Variants in PELI2 observed in about 807,000 individuals in gnomAD.
PELI2 encodes the protein pellino E3 ubiquitin protein ligase family member 2.
In PELI2, 23 loss-of-function variants were observed where a neutral mutation model predicts 42.3. The observed-to-expected ratio is 0.54, with a 90% CI of 0.39 to 0.77. The LOEUF is 0.77. PELI2 is among the 30% of genes least tolerant of loss of function. The probability of loss-of-function intolerance (pLI) is 0.00; values close to 1 mark genes in which losing one functional copy is unlikely to be tolerated. For missense variants in PELI2, 463 were observed against 553.2 expected, an observed-to-expected ratio of 0.84 and a Z score of 1.64; for synonymous variants, 245 against 212.2, an observed-to-expected ratio of 1.15 and a Z score of -1.34.
chr14:56,167,238 T>C (rs942845640), intron 1 of PELI2, among the ~76,000 whole-genome samples: 7 of 152,356 alleles, frequency 4.6e-5, no homozygotes, highest in Non-Finnish European at 8.8e-5. Context: ...TACTCTGTTA[T>C]TATCCCTTTG....
In PELI2 at chr14:56,290,448, G is replaced by A; in HGVS notation, c.688G>A (p.Gly230Arg). 1 of 1,599,136 alleles carries A rather than the reference G, an allele frequency of 6.3e-7. No individual in the cohort carries two copies. Among genetic ancestry groups the A allele is most frequent in the Non-Finnish European group, 8.5e-7 (1 of 1,170,218 alleles). The change falls in exon 5 of 6, where the codon GGA becomes AGA. Residue 230 changes from glycine (G) to arginine (R), a missense_variant. Physicochemically the swap from Gly to Arg is moderately radical, Grantham distance 125. Coordinates refer to ENST00000267460, the MANE Select transcript of PELI2 (RefSeq NM_021255.3). ...LRETRSAQQR[G>R]KLVESETNVL... ...AGAAACCAGGTCGGCCCAGCAACGA[G>A]GAAAGCTGGTGAGTGTGCTTCACTC...
intron 1 of PELI2, among the ~76,000 whole-genome samples, chr14:56,120,505 A>T (rs1883023202): frequency 6.6e-6 from 1 of 152,134 alleles, no homozygotes; most frequent in Non-Finnish European, 1.5e-5. Context: ...GGAGCCCGGG[A>T]TATAACGTTG....
chr14:56,159,718 G>T (rs1884687152), intron 1 of PELI2, among the ~76,000 whole-genome samples: 2 of 152,106 alleles, frequency 1.3e-5, no homozygotes, highest in Non-Finnish European at 2.9e-5. Context: ...ATACTTAAGT[G>T]GCGATATTTT....
chr14:56,245,582 T>C (rs1272204763), intron 2 of PELI2, among the ~76,000 whole-genome samples: 2 of 152,166 alleles, frequency 1.3e-5, no homozygotes, highest in Non-Finnish European at 2.9e-5. Context: ...GCCTGGTGTT[T>C]ATGTGATTCT....
At position 56,301,362 on chromosome 14, in the gene PELI2, A is replaced by G. The variant is rs559811196; in HGVS notation, c.*4196A>G. 1 of 152,774 alleles carries G rather than the reference A, an allele frequency of 6.5e-6. No individual in the cohort carries two copies. The highest frequency in any genetic ancestry group is 1.5e-5 in the Non-Finnish European group (1 of 68,022). The allele number at this position is 152,774 out of a possible 1,614,324, so 9.5% of individuals were successfully genotyped here. ...CACTGAGTTCATTAGGACATTTAGT[A>G]GGTTGATACGAGTAGAACTGATTTT... On this transcript the variant is annotated 3_prime_UTR_variant, in exon 6 of 6. Transcript: ENST00000267460.
chr14:56,246,815 A>T (rs1284261702), intron 2 of PELI2, among the ~76,000 whole-genome samples: 2 of 152,210 alleles, frequency 1.3e-5, no homozygotes, highest in African/African-American at 4.8e-5. Context: ...ATTCCATCAT[A>T]CATTGACTTA....
chr14:56,284,569 A>G (rs1372458669), intron 3 of PELI2, among the ~76,000 whole-genome samples: 1 of 152,160 alleles, frequency 6.6e-6, no homozygotes, highest in East Asian at 1.9e-4. Flanking sequence ...TTGGTTTTCA[A>G]TTTAGTTGAT....
At chr14:56,151,445 G>C (rs1005953705) in intron 1 of PELI2, among the ~76,000 whole-genome samples, 1 of 152,192 alleles carries the variant, frequency 6.6e-6, no homozygotes, top group Non-Finnish European at 1.5e-5. Flanking sequence ...ATTACTTATT[G>C]TAAGTGTTGC....
At chr14:56,249,038 G>A (rs1049455660) in intron 2 of PELI2, among the ~76,000 whole-genome samples, 21 of 152,298 alleles carry the variant, frequency 1.4e-4, no homozygotes, top group African/African-American at 4.6e-4. Flanking sequence ...CTTGAGTACT[G>A]TTAACAGGTA....
At chr14:56,198,008 ACACACC>A (rs1443351852) in intron 2 of PELI2, among the ~76,000 whole-genome samples, 16 of 110,394 alleles carry the variant, frequency 1.4e-4, no homozygotes, top group Middle Eastern at 5.0e-3. Context: ...ACACACACAC[ACACACC>A]CACCTCTTTG....
chr14:56,243,300 A>G (rs1205472264), intron 2 of PELI2, among the ~76,000 whole-genome samples: 2 of 152,182 alleles, frequency 1.3e-5, no homozygotes, highest in African/African-American at 4.8e-5. Flanking sequence ...CCAGCTGTTG[A>G]CATCTCTAAG....
chr14:56,241,901 C>G (rs1887989521), intron 2 of PELI2, among the ~76,000 whole-genome samples: 1 of 152,128 alleles, frequency 6.6e-6, no homozygotes, highest in Non-Finnish European at 1.5e-5. Context: ...AACTATTTAG[C>G]TGCTATAAGG....
intron 2 of PELI2, among the ~76,000 whole-genome samples, chr14:56,238,375 G>A (rs1161726179): frequency 6.6e-6 from 1 of 152,128 alleles, no homozygotes; most frequent in Non-Finnish European, 1.5e-5. Flanking sequence ...GCATTAATTA[G>A]CATTCCTGCT....
intron 2 of PELI2, among the ~76,000 whole-genome samples, chr14:56,218,695 ATG>A (rs893789916): frequency 1.3e-5 from 2 of 151,808 alleles, no homozygotes; most frequent in Admixed American, 1.3e-4. Flanking sequence ...ATGCACGCAC[ATG>A]TGTGCGTGTG....
At chr14:56,202,135 C>A (rs1344043357) in intron 2 of PELI2, among the ~76,000 whole-genome samples, 6 of 152,162 alleles carry the variant, frequency 3.9e-5, no homozygotes, top group Non-Finnish European at 5.9e-5. Context: ...TTAAAATTAT[C>A]CATCTGGGGC....
Position 56,180,180 on chromosome 14 carries a change from G to T in PELI2, c.207+1716G>T, listed in dbSNP as rs1169162474. Among the ~76,000 whole-genome samples the T allele has an allele frequency of 6.6e-6, 1 of 152,082 alleles. No individual in the cohort carries two copies. Among genetic ancestry groups the T allele is most frequent in the Non-Finnish European group, 1.5e-5 (1 of 68,010 alleles). ...CTAAAAGTAGGGCAGATTGGGTTTAGGTCTTGACCCTCTGTATTTTATAAT... is the reference window on the plus strand; with the variant it reads ...CTAAAAGTAGGGCAGATTGGGTTTATGTCTTGACCCTCTGTATTTTATAAT... On this transcript the variant is annotated intron_variant, in intron 2 of 5. Transcript: ENST00000267460. This position sits in a 1 kb window ranked among gnomAD's most constrained non-coding sequence, Gnocchi z 4.4.
intron 2 of PELI2, among the ~76,000 whole-genome samples, chr14:56,275,432 A>G (rs1054117577): frequency 6.6e-6 from 1 of 152,322 alleles, no homozygotes; most frequent in African/African-American, 2.4e-5. Flanking sequence ...TAATTATATA[A>G]TTCACCATAA....
rs138904404 is a variant in PELI2 at position 56,240,480 on chromosome 14, G to A, written c.208-39196G>A. Among the ~76,000 whole-genome samples, 293 of 152,282 alleles carry A rather than the reference G, an allele frequency of 1.9e-3. 1 individual carries two copies. The highest frequency in any genetic ancestry group is 6.8e-3 in the Middle Eastern group (2 of 294). On this transcript the variant is annotated intron_variant, in intron 2 of 5. Transcript: ENST00000267460. ...AGTGATGTTAGCAAGAATAGTTTCGGTGCAGTTACGGGGGTGAATTGCCAT... is the reference window on the plus strand; with the variant it reads ...AGTGATGTTAGCAAGAATAGTTTCGATGCAGTTACGGGGGTGAATTGCCAT...
At chr14:56,253,120 A>G (rs1461921815) in intron 2 of PELI2, among the ~76,000 whole-genome samples, 2 of 152,224 alleles carry the variant, frequency 1.3e-5, no homozygotes, top group Admixed American at 6.5e-5. Context: ...GTCTCCGTAG[A>G]TGCAGAAAAG....
Sources: gnomAD v4.1 joint callset for allele counts (sites outside exome capture counted in the v4.1 genomes callset) on GRCh38, gnomAD v4.1.1 for gene constraint, Gnocchi (gnomAD v3.1) non-coding constraint, MANE v1.5 for transcripts, NCBI Gene and HGNC (gene_info 2026-07-23, HGNC 2026-07-21) for gene names.